FAR1: variants seen among roughly 807,000 people sequenced by gnomAD.
FAR1 encodes male sterility domain-containing protein 2.
A neutral mutation model predicts 61.1 loss-of-function variants in FAR1; 22 were observed. That is an observed-to-expected ratio of 0.36 (90% confidence interval 0.26 to 0.51). The LOEUF is 0.51. Among genes scored for constraint, FAR1 ranks in the 20% least tolerant of loss-of-function variants. The pLI is 0.95. For missense variants in FAR1, 359 were observed against 626.9 expected, an observed-to-expected ratio of 0.57 and a Z score of 4.56; for synonymous variants, 206 against 209.7, an observed-to-expected ratio of 0.98 and a Z score of 0.15.
intron 1 of FAR1, among the ~76,000 whole-genome samples, chr11:13,685,932 A>G (rs10741623): frequency 0.23 from 35,444 of 152,108 alleles, 4,423 homozygotes; most frequent in Middle Eastern, 0.36. Context: ...GAGTCATACA[A>G]CTTTAGAACT....
In FAR1 at chr11:13,731,613, C is replaced by T. The variant is rs1462921212; in HGVS notation, c.*2839C>T. On this transcript the variant is annotated 3_prime_UTR_variant, in exon 12 of 12. Coordinates refer to ENST00000354817, the MANE Select transcript of FAR1 (RefSeq NM_032228.6). ...TCTGTTTTAGGTGTACTTGTTAATTCTTATGTCCTAATTTTATTTAATTCT... is the reference window on the plus strand; with the variant it reads ...TCTGTTTTAGGTGTACTTGTTAATTTTTATGTCCTAATTTTATTTAATTCT... 1.3e-5 allele frequency: 2 copies of T among 152,186 alleles called. No homozygotes were observed. Among genetic ancestry groups the T allele is most frequent in the African/African-American group, 4.8e-5 (2 of 41,374 alleles). 9.4% of individuals were successfully genotyped at this position (152,186 alleles called of 1,614,324 possible).
chr11:13,696,866 A>G (rs1243347018), intron 2 of FAR1, among the ~76,000 whole-genome samples: 4 of 152,160 alleles, frequency 2.6e-5, no homozygotes, highest in South Asian at 4.1e-4. Context: ...AAATAGGTAT[A>G]AAGAACATAA....
chr11:13,723,756 G>A (rs1374223232), intron 10 of FAR1, among the ~76,000 whole-genome samples: 1 of 152,018 alleles, frequency 6.6e-6, no homozygotes, highest in African/African-American at 2.4e-5. Flanking sequence ...AGTGTTTCTG[G>A]GCTAAACTCT....
intron 10 of FAR1, among the ~76,000 whole-genome samples, chr11:13,724,566 AAAAG>A (rs1302942565): frequency 2.0e-5 from 3 of 151,450 alleles, no homozygotes; most frequent in African/African-American, 7.3e-5. Flanking sequence ...AAAAAAAAAA[AAAAG>A]ACTGTAGATT....
intron 1 of FAR1, among the ~76,000 whole-genome samples, chr11:13,691,001 C>A (rs1848243437): frequency 6.6e-6 from 1 of 152,092 alleles, no homozygotes; most frequent in African/African-American, 2.4e-5. Flanking sequence ...ATAAAATAAC[C>A]ATTTGTGTCT....
chr11:13,703,401 A>T (rs1480283066), intron 3 of FAR1, among the ~76,000 whole-genome samples: 2 of 145,912 alleles, frequency 1.4e-5, no homozygotes, highest in African/African-American at 4.9e-5. Context: ...ACTCTTTATA[A>T]CTACTTGTTA....
At chr11:13,690,859 T>G (rs1242715144) in intron 1 of FAR1, among the ~76,000 whole-genome samples, 1 of 152,254 alleles carries the variant, frequency 6.6e-6, no homozygotes, top group African/African-American at 2.4e-5. Context: ...TGTCTCCACT[T>G]ATTTAGGTGT....
At chr11:13,675,162 T>C (rs538958271) in intron 1 of FAR1, among the ~76,000 whole-genome samples, 4 of 152,140 alleles carry the variant, frequency 2.6e-5, no homozygotes, top group Non-Finnish European at 5.9e-5. Flanking sequence ...ATTTTGAGAC[T>C]TGAGCATTAT....
At chr11:13,700,204 A>G (rs1848354389) in intron 2 of FAR1, 113 bp from the exon 3 acceptor site, 1 of 733,536 alleles carries the variant, frequency 1.4e-6, no homozygotes, top group Non-Finnish European at 2.2e-6. Flanking sequence ...TAGGAATTGT[A>G]TAGTTTAAGT....
rs564181305 is a variant in FAR1 at position 13,716,118 on chromosome 11, C to T, written c.1127+1438C>T. ...GGAAGCATTCTTCATGGCTAAAATG[C>T]AGATGTAAATTCATGAATGGTGGCA... On this transcript the variant is annotated intron_variant, in intron 9 of 11. Transcript: ENST00000354817. Among the ~76,000 whole-genome samples, 16 of 152,010 alleles carry T rather than the reference C, an allele frequency of 1.1e-4. No homozygotes were observed. In the East Asian group the frequency reaches 2.9e-3, roughly 28 times the overall value.
Position 13,700,432 on chromosome 11 carries a change from T to C in FAR1, c.305T>C (p.Ile102Thr). ...AGTGAAGAAGATAAAGAGGTGATCA[T>C]AGATTCTACCAATATTATATTCCAC... ...ALSEEDKEVI[I>T]DSTNIIFHCA... Residue 102 changes from isoleucine (I) to threonine (T), a missense_variant, in exon 3 of 12, where the codon ATA becomes ACA. By Grantham distance (89) the Ile-to-Thr change is moderately conservative (BLOSUM62 -1). This residue lies in a region of FAR1 where 344 missense variants were observed against 570.3 expected (regional missense o/e 0.60). Coordinates refer to ENST00000354817, the MANE Select transcript of FAR1 (RefSeq NM_032228.6). The C allele has an allele frequency of 1.3e-6, 2 of 1,592,880 alleles. No homozygotes were observed. Among genetic ancestry groups the C allele is most frequent in the South Asian group, 1.2e-5 (1 of 85,912 alleles).
In FAR1 at chr11:13,721,966, C is replaced by A; in HGVS notation, c.1257+107C>A. 1 of 887,862 alleles carries A rather than the reference C, an allele frequency of 1.1e-6. No individual in the cohort carries two copies. The highest frequency in any genetic ancestry group is 1.6e-6 in the Non-Finnish European group (1 of 607,720). The allele number at this position is 887,862 out of a possible 1,614,324, so 55.0% of individuals were successfully genotyped here. ...CCACAGCTATTATGCAACAAGTAAG[C>A]CATTATTTATAGTCTCTCATAAAGC... On this transcript the variant is annotated intron_variant, in intron 10 of 11. Transcript: ENST00000354817. The surrounding 1 kb of genome is among the most constrained non-coding windows in gnomAD (Gnocchi z 4.2).
chr11:13,673,446 C>T (rs1401497829), intron 1 of FAR1, among the ~76,000 whole-genome samples: 1 of 152,094 alleles, frequency 6.6e-6, no homozygotes, highest in Admixed American at 6.6e-5. Flanking sequence ...AGTAACTTTC[C>T]AAGGTTGGAG....
At chr11:13,675,830 G>C (rs186083278) in intron 1 of FAR1, among the ~76,000 whole-genome samples, 1 of 152,252 alleles carries the variant, frequency 6.6e-6, no homozygotes, top group Non-Finnish European at 1.5e-5. Flanking sequence ...TTCCAGAAAT[G>C]TTGGCATAAT....
chr11:13,722,856 C>CTATA (rs1229633169), intron 10 of FAR1, among the ~76,000 whole-genome samples: 1 of 140,918 alleles, frequency 7.1e-6, no homozygotes, highest in Admixed American at 7.2e-5. Context: ...CTCTCTCTCT[C>CTATA]TCTATATATA....
At chr11:13,712,932 T>C (rs1275467505) in intron 7 of FAR1, 34 bp from the exon 8 acceptor site, 19 of 1,588,898 alleles carry the variant, frequency 1.2e-5, no homozygotes, top group East Asian at 4.5e-5. Flanking sequence ...TGGCCTCTTA[T>C]TATGATTAAT....
rs192673381 is a variant in FAR1 at position 13,689,697 on chromosome 11, T to C, written c.-7-5062T>C. Among the ~76,000 whole-genome samples, 5 of 152,244 alleles carry C rather than the reference T, an allele frequency of 3.3e-5. No individual in the cohort carries two copies. In the East Asian group the frequency reaches 5.8e-4, roughly 18 times the overall value. ...CCTATGATATGTGAATGTTCAGCTT[T>C]AGTGGGTAGTACCATCTCCTAAGTA... is the stretch of plus-strand genomic sequence containing the variant. On this transcript the variant is annotated intron_variant, in intron 1 of 11. Coordinates refer to ENST00000354817, the MANE Select transcript of FAR1 (RefSeq NM_032228.6).
At chr11:13,717,482 G>A (rs1191688992) in intron 9 of FAR1, among the ~76,000 whole-genome samples, 1 of 152,114 alleles carries the variant, frequency 6.6e-6, no homozygotes, top group Non-Finnish European at 1.5e-5. Flanking sequence ...ATGATTTCTT[G>A]ATAAGGAGCT....
At chr11:13,703,531 T>TC (rs1355561217) in intron 3 of FAR1, among the ~76,000 whole-genome samples, 1 of 152,200 alleles carries the variant, frequency 6.6e-6, no homozygotes, top group African/African-American at 2.4e-5. Flanking sequence ...TGCACACAGA[T>TC]CTTATTTGCA....
Sources: gnomAD v4.1 joint callset for allele counts (sites outside exome capture counted in the v4.1 genomes callset) on GRCh38, gnomAD v4.1.1 for gene constraint, gnomAD v4.1.1 regional missense constraint, Gnocchi (gnomAD v3.1) non-coding constraint, MANE v1.5 for transcripts, NCBI Gene and HGNC (gene_info 2026-07-23, HGNC 2026-07-21) for gene names.